ALCAM: variants seen among roughly 807,000 people sequenced by gnomAD.
ALCAM encodes CD166 antigen.
In ALCAM, 30 loss-of-function variants were observed where a neutral mutation model predicts 70.9. The observed-to-expected ratio is 0.42, with a 90% CI of 0.32 to 0.57. The LOEUF is 0.57. Among genes scored for constraint, ALCAM ranks in the 20% least tolerant of loss-of-function variants. ALCAM has a pLI of 0.11. For synonymous variants in ALCAM, 249 were observed against 242.5 expected, an observed-to-expected ratio of 1.03 and a Z score of -0.25; for missense variants, 591 against 695.1, an observed-to-expected ratio of 0.85 and a Z score of 1.68.
intron 14 of ALCAM, among the ~76,000 whole-genome samples, chr3:105,569,670 CCATGTTCTAGT>C (rs1411311163): frequency 6.6e-6 from 1 of 152,070 alleles, no homozygotes; most frequent in Non-Finnish European, 1.5e-5. Context: ...TGGATGCCTA[CCATGTTCTAGT>C]CACTGTATTA....
chr3:105,388,878 T>C lies in ALCAM; in HGVS notation c.73+21397T>C, dbSNP rs187507121. Among the ~76,000 whole-genome samples the C allele has an allele frequency of 4.6e-5, 7 of 151,654 alleles. No individual in the cohort carries two copies. The East Asian group carries it at 5.8e-4, about 13-fold the overall frequency. ...ACAATCACGTTTTAGATAGTAAAGA[T>C]TGAATGAGTATGTTAAGGCTTTCAT... is the stretch of plus-strand genomic sequence containing the variant. On this transcript the variant is annotated intron_variant, in intron 1 of 15. Coordinates refer to ENST00000306107, the MANE Select transcript of ALCAM (RefSeq NM_001627.4).
chr3:105,368,262 A>T (rs1030621187), intron 1 of ALCAM, among the ~76,000 whole-genome samples: 1 of 145,888 alleles, frequency 6.9e-6, no homozygotes, highest in Admixed American at 6.9e-5. Context: ...AGAGAGAGAG[A>T]GAAAAGGCAA....
At chr3:105,452,771 G>T (rs1937464530) in intron 1 of ALCAM, among the ~76,000 whole-genome samples, 1 of 152,154 alleles carries the variant, frequency 6.6e-6, no homozygotes, top group Non-Finnish European at 1.5e-5. Context: ...CATTCTGACT[G>T]GTGTAAGATG....
intron 1 of ALCAM, among the ~76,000 whole-genome samples, chr3:105,500,467 G>T (rs896592291): frequency 4.6e-5 from 7 of 152,014 alleles, no homozygotes; most frequent in Admixed American, 6.6e-5. Context: ...TGGAGAAAAT[G>T]CTGATACAAT....
Position 105,540,062 on chromosome 3 carries a change from A to G in ALCAM, c.818A>G (p.Asn273Ser), listed in dbSNP as rs778223241. The stretch of plus-strand genomic sequence containing the variant: ...AACATCACTCTTAAATGCTTAGGGA[A>G]TGGCAACCCTCCCCCAGAGGAATTT... ...GDNITLKCLGNGNPPPEEFLF... is the reference protein window; with the variant it reads ...GDNITLKCLGSGNPPPEEFLF... The change falls in exon 7 of 16, where the codon AAT (asparagine) becomes AGT (serine). Residue 273 changes from asparagine (N) to serine (S), a missense_variant. Physicochemically the swap from Asn to Ser is conservative, Grantham distance 46. This residue lies in a region of ALCAM where 427 missense variants were observed against 450.4 expected (regional missense o/e 0.95). Coordinates refer to ENST00000306107, the MANE Select transcript of ALCAM (RefSeq NM_001627.4). The G allele has an allele frequency of 1.2e-6, 2 of 1,612,408 alleles. No homozygotes were observed. Among genetic ancestry groups the G allele is most frequent in the Non-Finnish European group, 8.5e-7 (1 of 1,178,804 alleles).
Position 105,540,040 on chromosome 3 carries a change from A to G in ALCAM, c.796A>G (p.Ile266Val), listed in dbSNP as rs749410741. The stretch of plus-strand genomic sequence containing the variant: ...AAATGCCATCAAAGAAGGGGATAAC[A>G]TCACTCTTAAATGCTTAGGGAATGG... ...PKNAIKEGDN[I>V]TLKCLGNGNP... is the part of the protein sequence containing the mutation. Residue 266 changes from isoleucine to valine, a missense_variant, in exon 7 of 16, where the codon ATC becomes GTC. Physicochemically the swap from Ile to Val is conservative, Grantham distance 29. Transcript: ENST00000306107. 2.2e-5 allele frequency: 36 copies of G among 1,612,526 alleles called. No individual in the cohort carries two copies. The highest frequency in any genetic ancestry group is 2.6e-5 in the Non-Finnish European group (31 of 1,178,970).
intron 1 of ALCAM, among the ~76,000 whole-genome samples, chr3:105,444,546 A>G (rs1451965826): frequency 6.6e-6 from 1 of 152,202 alleles, no homozygotes; most frequent in East Asian, 1.9e-4. Context: ...ACACAGAGCC[A>G]AACCATATCA....
At chr3:105,432,665 G>A (rs1432916569) in intron 1 of ALCAM, among the ~76,000 whole-genome samples, 1 of 151,990 alleles carries the variant, frequency 6.6e-6, no homozygotes, top group East Asian at 1.9e-4. Flanking sequence ...ACTTAGCACA[G>A]CGCTTCACAC....
chr3:105,457,691 G>C (rs1373933871), intron 1 of ALCAM, among the ~76,000 whole-genome samples: 2 of 152,088 alleles, frequency 1.3e-5, no homozygotes, highest in African/African-American at 4.8e-5. Flanking sequence ...CCATATGCTG[G>C]AAGAAGGCAC....
intron 1 of ALCAM, among the ~76,000 whole-genome samples, chr3:105,396,138 T>C (rs1935946005): frequency 2.0e-5 from 3 of 152,048 alleles, no homozygotes; most frequent in South Asian, 2.1e-4. Flanking sequence ...TAAATTAATA[T>C]TTATTAGACA....
rs1412825971 is a variant in ALCAM at position 105,550,162 on chromosome 3, T to C, written c.1410T>C (p.Tyr470=). The change falls in exon 12 of 16, where the codon TAT becomes TAC. Residue 470 remains tyrosine (Y), a synonymous_variant. Transcript: ENST00000306107. The stretch of plus-strand genomic sequence containing the variant: ...CTCCTTATATTAATGGCAGGTATTA[T>C]AGTAAAATTATCATTTCCCCTGAAG... ...EESPYINGRY[Y]SKIIISPEEN... The C allele has an allele frequency of 1.3e-6, 2 of 1,599,290 alleles. No individual in the cohort carries two copies. Among genetic ancestry groups the C allele is most frequent in the South Asian group, 1.1e-5 (1 of 90,484 alleles).
chr3:105,494,183 G>A (rs1938671386), intron 1 of ALCAM, among the ~76,000 whole-genome samples: 1 of 152,084 alleles, frequency 6.6e-6, no homozygotes, highest in Non-Finnish European at 1.5e-5. Context: ...GCCCAATGGG[G>A]GGGAAAAAGC....
At chr3:105,402,768 A>G (rs1576137567) in intron 1 of ALCAM, among the ~76,000 whole-genome samples, 1 of 151,978 alleles carries the variant, frequency 6.6e-6, no homozygotes, top group South Asian at 2.1e-4. Flanking sequence ...AGACACGTCT[A>G]TCCCTGCCCC....
At chr3:105,486,223 G>A (rs1017173640) in intron 1 of ALCAM, among the ~76,000 whole-genome samples, 16 of 152,058 alleles carry the variant, frequency 1.1e-4, no homozygotes, top group African/African-American at 2.7e-4. Flanking sequence ...AGAGACACCC[G>A]TCCAAATTAT....
chr3:105,367,574 GC>G, intron 1 of ALCAM, 93 bp downstream of exon 1: 2 of 1,465,210 alleles, frequency 1.4e-6, no homozygotes, highest in Non-Finnish European at 1.9e-6. Context: ...GAGGCAGTGC[GC>G]CCAGGCGCGT....
At chr3:105,392,981 T>C (rs911745713) in intron 1 of ALCAM, among the ~76,000 whole-genome samples, 1 of 151,920 alleles carries the variant, frequency 6.6e-6, no homozygotes. Context: ...ACAAGATACA[T>C]CTTCTCACAT....
intron 1 of ALCAM, among the ~76,000 whole-genome samples, chr3:105,414,772 T>A (rs1362495966): frequency 6.6e-6 from 1 of 152,134 alleles, no homozygotes; most frequent in African/African-American, 2.4e-5. Context: ...GGACTTGAAT[T>A]CTAGGCCAAG....
intron 1 of ALCAM, among the ~76,000 whole-genome samples, chr3:105,374,434 C>G (rs953006942): frequency 2.6e-5 from 4 of 152,052 alleles, no homozygotes; most frequent in African/African-American, 9.7e-5. Context: ...TCTGAATATT[C>G]AAGTCATATA....
chr3:105,443,498 A>G (rs1377089074), intron 1 of ALCAM, among the ~76,000 whole-genome samples: 7 of 152,254 alleles, frequency 4.6e-5, no homozygotes, highest in African/African-American at 1.4e-4. Context: ...ATTGAATAAT[A>G]ATAAGAGATA....
Sources: allele counts gnomAD v4.1 joint callset (sites outside exome capture counted in the v4.1 genomes callset), GRCh38; gene constraint gnomAD v4.1.1; regional missense constraint gnomAD v4.1.1; transcripts MANE v1.5; gene names NCBI Gene and HGNC (gene_info 2026-07-23, HGNC 2026-07-21).